Variants in UBE4B observed in about 807,000 individuals in gnomAD.
UBE4B encodes ubiquitination factor E4B, also known as ubiquitin conjugation factor E4 B.
In UBE4B, 27 loss-of-function variants were observed where a neutral mutation model predicts 148.1. The ratio of observed to expected loss-of-function variants is 0.18; its 90% CI spans 0.13 to 0.25. The LOEUF is 0.25. UBE4B is among the 10% of genes least tolerant of loss of function. The probability of loss-of-function intolerance (pLI) is 1.00; values close to 1 mark genes in which losing one functional copy is unlikely to be tolerated. For missense variants in UBE4B, 1,170 were observed against 1,662.4 expected, an observed-to-expected ratio of 0.70 and a Z score of 5.15; for synonymous variants, 596 against 619.3, an observed-to-expected ratio of 0.96 and a Z score of 0.56.
chr1:10,173,868 T>G (rs1291960821), intron 25 of UBE4B, among the ~76,000 whole-genome samples: 2 of 152,174 alleles, frequency 1.3e-5, no homozygotes, highest in Non-Finnish European at 2.9e-5. Context: ...AGCAACTGGG[T>G]GACAAAGGAA....
chr1:10,093,731 G>A (rs1480738946), intron 2 of UBE4B, among the ~76,000 whole-genome samples: 3 of 144,148 alleles, frequency 2.1e-5, no homozygotes, highest in Admixed American at 7.1e-5. Context: ...GTCTTGCTCT[G>A]TCACCCAGGC....
chr1:10,165,822 A>G (rs1226573609), intron 23 of UBE4B, among the ~76,000 whole-genome samples: 1 of 151,996 alleles, frequency 6.6e-6, no homozygotes, highest in Non-Finnish European at 1.5e-5. Context: ...ATTTTTCCTC[A>G]TCACTGTCAG....
intron 16 of UBE4B, 138 bp from the exon 17 acceptor site, chr1:10,136,929 A>C: frequency 1.0e-6 from 1 of 1,004,574 alleles, no homozygotes; most frequent in African/African-American, 1.6e-5. Context: ...TCAAATAAAT[A>C]AATAAATAAA....
intron 1 of UBE4B, among the ~76,000 whole-genome samples, chr1:10,042,053 G>C (rs1351251916): frequency 6.6e-6 from 1 of 152,132 alleles, no homozygotes; most frequent in Non-Finnish European, 1.5e-5. Flanking sequence ...TCCTGGGTCA[G>C]CCCCTCGAGT....
At chr1:10,132,550 A>C (rs959317299) in intron 15 of UBE4B, 68 bp downstream of exon 15, 2 of 1,381,290 alleles carry the variant, frequency 1.4e-6, no homozygotes, top group Admixed American at 1.8e-5. Flanking sequence ...TTTAGTCAGC[A>C]CCTACCAGGC....
rs1224798887 is a variant in UBE4B at position 10,168,029 on chromosome 1, C to A, written c.3199-107C>A. 7.4e-6 allele frequency: 10 copies of A among 1,358,154 alleles called. No individual in the cohort carries two copies. Among genetic ancestry groups the A allele is most frequent in the African/African-American group, 1.5e-5 (1 of 67,882 alleles). 84.1% of individuals were successfully genotyped at this position (1,358,154 alleles called of 1,614,324 possible). On this transcript the variant is annotated intron_variant, in intron 23 of 27. Coordinates refer to ENST00000343090, the MANE Select transcript of UBE4B (RefSeq NM_001105562.3). The surrounding 1 kb of genome is among the most constrained non-coding windows in gnomAD (Gnocchi z 4.9). ...CATGTGGCAGGCGGTTCTGTCATTC[C>A]CTAAGCATGTTGGGTTTATCACGCA...
intron 7 of UBE4B, among the ~76,000 whole-genome samples, chr1:10,114,264 T>G (rs543413421): frequency 3.3e-5 from 5 of 152,318 alleles, no homozygotes; most frequent in Admixed American, 2.0e-4. Context: ...CAAGCCTGTT[T>G]TAGCAAAGTT....
chr1:10,138,991 T>A (rs2101962136), intron 17 of UBE4B, among the ~76,000 whole-genome samples: 1 of 152,344 alleles, frequency 6.6e-6, no homozygotes, highest in South Asian at 2.1e-4. Context: ...TACAATTTGC[T>A]AATATTCTGT....
At chr1:10,136,105 C>T (rs966857277) in intron 16 of UBE4B, among the ~76,000 whole-genome samples, 14 of 151,996 alleles carry the variant, frequency 9.2e-5, no homozygotes, top group African/African-American at 3.4e-4. Context: ...AATACCATTT[C>T]GAGATTTAAA....
intron 1 of UBE4B, among the ~76,000 whole-genome samples, chr1:10,070,500 G>A (rs1308119876): frequency 1.4e-5 from 2 of 147,218 alleles, no homozygotes; most frequent in South Asian, 2.1e-4. Flanking sequence ...TGCCTCTCCC[G>A]AGCTGCTTCC....
intron 7 of UBE4B, among the ~76,000 whole-genome samples, chr1:10,109,558 G>A (rs1185487626): frequency 3.3e-5 from 5 of 152,026 alleles, no homozygotes; most frequent in Non-Finnish European, 5.9e-5. Context: ...CCAAAGCATG[G>A]GTAAAAATAC....
intron 1 of UBE4B, among the ~76,000 whole-genome samples, chr1:10,064,904 C>T (rs950000586): frequency 6.6e-6 from 1 of 152,004 alleles, no homozygotes; most frequent in African/African-American, 2.4e-5. Flanking sequence ...GCTGGGGTTA[C>T]AGGTGCCCGC....
In UBE4B at chr1:10,094,467, TC is replaced by T. The variant is rs527783082; in HGVS notation, c.212-993del. 2.2e-4 allele frequency among the ~76,000 whole-genome samples: 33 copies of T among 151,376 alleles called. No homozygotes were observed. In the East Asian group the frequency reaches 6.2e-3, roughly 29 times the overall value. ...TTTTTTTTTTTAGACGGAGTCTTGC[TC>T]TGTTGCCCAGGCTGGAGTGCAATGG... On this transcript the variant is annotated intron_variant, in intron 2 of 27. Transcript: ENST00000343090.
chr1:10,134,842 G>A (rs1645651454), intron 15 of UBE4B, 146 bp from the exon 16 acceptor site: 1 of 638,316 alleles, frequency 1.6e-6, no homozygotes, highest in Non-Finnish European at 2.7e-6. Context: ...GGGAGGCTAA[G>A]GTGGGAGGAT....
chr1:10,070,093 G>T (rs965968932), intron 1 of UBE4B, among the ~76,000 whole-genome samples: 1 of 151,880 alleles, frequency 6.6e-6, no homozygotes, highest in Non-Finnish European at 1.5e-5. Flanking sequence ...TGGGCAACAT[G>T]GTGAGATGCC....
At chr1:10,063,621 T>C (rs1312959782) in intron 1 of UBE4B, among the ~76,000 whole-genome samples, 1 of 151,958 alleles carries the variant, frequency 6.6e-6, no homozygotes, top group East Asian at 1.9e-4. Context: ...AAGGTACATC[T>C]GGGCCGGGTG....
chr1:10,165,666 C>T (rs1357486182), intron 23 of UBE4B, among the ~76,000 whole-genome samples: 2 of 152,162 alleles, frequency 1.3e-5, no homozygotes, highest in African/African-American at 2.4e-5. Flanking sequence ...TCCACTGACA[C>T]GTGAGGGCCT....
chr1:10,171,621 C>CAGG (rs1401582221), intron 25 of UBE4B, among the ~76,000 whole-genome samples: 1 of 152,202 alleles, frequency 6.6e-6, no homozygotes, highest in Non-Finnish European at 1.5e-5. Flanking sequence ...GTGGCTCACG[C>CAGG]CTGTAATCCC....
At chr1:10,101,665 C>T (rs980750658) in intron 4 of UBE4B, among the ~76,000 whole-genome samples, 6 of 151,888 alleles carry the variant, frequency 4.0e-5, no homozygotes, top group South Asian at 4.2e-4. Flanking sequence ...CCCGCCACCA[C>T]GCCCAGCTAA....
Sources: allele counts gnomAD v4.1 joint callset (sites outside exome capture counted in the v4.1 genomes callset), GRCh38; gene constraint gnomAD v4.1.1; non-coding constraint Gnocchi (gnomAD v3.1); transcripts MANE v1.5; gene names NCBI Gene and HGNC (gene_info 2026-07-23, HGNC 2026-07-21).